FAM174B: variants seen among roughly 807,000 people sequenced by gnomAD.
The protein encoded by FAM174B is family with sequence similarity 174 member B.
A neutral mutation model predicts 10.9 loss-of-function variants in FAM174B; 12 were observed. The observed-to-expected ratio is 1.10, with a 90% CI of 0.71 to 1.79. The LOEUF is 1.79. FAM174B is among the 40% of genes most tolerant of loss of function. FAM174B has a pLI of 0.00. For synonymous variants in FAM174B, 132 were observed against 115.8 expected, an observed-to-expected ratio of 1.14 and a Z score of -0.90; for missense variants, 266 against 233.3, an observed-to-expected ratio of 1.14 and a Z score of -0.91.
At chr15:92,647,061 C>T (rs1218457815) in intron 1 of FAM174B, among the ~76,000 whole-genome samples, 1 of 152,108 alleles carries the variant, frequency 6.6e-6, no homozygotes, top group Non-Finnish European at 1.5e-5. Flanking sequence ...CTCTTTTTGT[C>T]GACAGGACTG....
intron 1 of FAM174B, among the ~76,000 whole-genome samples, chr15:92,652,689 C>T (rs947093244): frequency 6.6e-6 from 1 of 152,154 alleles, no homozygotes; most frequent in Non-Finnish European, 1.5e-5. Flanking sequence ...AAGGTAGAAA[C>T]GGCGGCAGGT....
rs1458765236 is a variant in FAM174B, at chr15:92,617,583, T to C, written c.*1873A>G. On this transcript the variant is annotated 3_prime_UTR_variant, in exon 3 of 3. Coordinates refer to ENST00000327355, the MANE Select transcript of FAM174B (RefSeq NM_207446.3). Reference sequence around the variant, plus strand: ...CTGGCAGATGGAGCCCGGGTGTTTCTGCGTAAGGCAGAGGAATCCAGCTTT... The same window carrying C: ...CTGGCAGATGGAGCCCGGGTGTTTCCGCGTAAGGCAGAGGAATCCAGCTTT... The C allele has an allele frequency of 3.4e-5, 20 of 590,620 alleles. No individual in the cohort carries two copies. Among genetic ancestry groups the C allele is most frequent in the Non-Finnish European group, 5.7e-5 (19 of 334,090 alleles). The allele number at this position is 590,620 out of a possible 1,614,324, so 36.6% of individuals were successfully genotyped here. A position where few individuals can be genotyped will look rare whatever the true frequency, so the allele number is the denominator to read the frequency against.
chr15:92,626,582 C>A (rs962485646), intron 2 of FAM174B, among the ~76,000 whole-genome samples: 1 of 152,138 alleles, frequency 6.6e-6, no homozygotes, highest in African/African-American at 2.4e-5. Flanking sequence ...GCCCTAGAAG[C>A]AGAAACCCAG....
intron 1 of FAM174B, among the ~76,000 whole-genome samples, chr15:92,637,666 C>T (rs187248207): frequency 6.6e-6 from 1 of 152,326 alleles, no homozygotes; most frequent in Admixed American, 6.5e-5. Flanking sequence ...CACACAGAAG[C>T]AGAGTTGACA....
At position 92,617,601 on chromosome 15, in the gene FAM174B, C is replaced by A. The variant is rs2141943900; in HGVS notation, c.*1855G>T. 3.1e-6 allele frequency: 2 copies of A among 640,698 alleles called. No individual in the cohort carries two copies. Among genetic ancestry groups the A allele is most frequent in the Non-Finnish European group, 5.5e-6 (2 of 361,032 alleles). 39.7% of individuals were successfully genotyped at this position (640,698 alleles called of 1,614,324 possible). A position where few individuals can be genotyped will look rare whatever the true frequency, so the allele number is the denominator to read the frequency against. Reference sequence around the variant, plus strand: ...GTGTTTCTGCGTAAGGCAGAGGAATCCAGCTTTTCCATGAGATTCAGCTGC... The same window carrying A: ...GTGTTTCTGCGTAAGGCAGAGGAATACAGCTTTTCCATGAGATTCAGCTGC... On this transcript the variant is annotated 3_prime_UTR_variant, in exon 3 of 3. Coordinates refer to ENST00000327355, the MANE Select transcript of FAM174B (RefSeq NM_207446.3).
At chr15:92,624,574 C>T (rs931842229) in intron 2 of FAM174B, among the ~76,000 whole-genome samples, 1 of 152,224 alleles carries the variant, frequency 6.6e-6, no homozygotes, top group Admixed American at 6.5e-5. Flanking sequence ...GCAAACTGCA[C>T]AAAAATGCCC....
chr15:92,653,510 T>C (rs1418365758), intron 1 of FAM174B, among the ~76,000 whole-genome samples: 1 of 152,226 alleles, frequency 6.6e-6, no homozygotes, highest in African/African-American at 2.4e-5. Flanking sequence ...AGTCCGTAGA[T>C]GACAATGGCA....
chr15:92,634,040 T>C (rs980252390), intron 1 of FAM174B, among the ~76,000 whole-genome samples: 2 of 152,180 alleles, frequency 1.3e-5, no homozygotes, highest in African/African-American at 4.8e-5. Flanking sequence ...TAAATCTCTC[T>C]CCGGACAAGT....
chr15:92,625,057 C>T (rs1332611669), intron 2 of FAM174B, among the ~76,000 whole-genome samples: 1 of 152,192 alleles, frequency 6.6e-6, no homozygotes, highest in African/African-American at 2.4e-5. Flanking sequence ...TTTCAAAACC[C>T]CAGGGCACTC....
chr15:92,649,281 C>A (rs1489656645), intron 1 of FAM174B, among the ~76,000 whole-genome samples: 1 of 152,212 alleles, frequency 6.6e-6, no homozygotes, highest in East Asian at 1.9e-4. Context: ...GGTGCCAGGT[C>A]TTCACAGTCC....
At chr15:92,626,200 G>A (rs925597504) in intron 2 of FAM174B, among the ~76,000 whole-genome samples, 3 of 136,422 alleles carry the variant, frequency 2.2e-5, no homozygotes, top group Non-Finnish European at 3.0e-5. Context: ...CTGGGTTCGC[G>A]CCATTCTCCT....
intron 1 of FAM174B, among the ~76,000 whole-genome samples, chr15:92,649,692 C>T (rs1441761134): frequency 6.6e-6 from 1 of 152,184 alleles, no homozygotes; most frequent in Non-Finnish European, 1.5e-5. Flanking sequence ...CCGAGATTCT[C>T]GGCATCTCTC....
At chr15:92,621,604 G>A (rs1265951561) in intron 2 of FAM174B, among the ~76,000 whole-genome samples, 4 of 113,626 alleles carry the variant, frequency 3.5e-5, no homozygotes, top group Non-Finnish European at 5.8e-5. Flanking sequence ...GAGCAAGATC[G>A]TCTCAAAAAA....
rs780494916 is a variant in FAM174B, at chr15:92,619,303, C to G, written c.*153G>C. ...TTGCCAGTGACAGTCTGAGCAGATGCCTGACACGCACGATGGAGCTGGGGT... is the reference window on the plus strand; with the variant it reads ...TTGCCAGTGACAGTCTGAGCAGATGGCTGACACGCACGATGGAGCTGGGGT... On this transcript the variant is annotated 3_prime_UTR_variant, in exon 3 of 3. Transcript: ENST00000327355. 3 of 820,166 alleles carry G rather than the reference C, an allele frequency of 3.7e-6. No individual in the cohort carries two copies. In the East Asian group the frequency reaches 7.9e-5, roughly 22 times the overall value. 50.8% of individuals were successfully genotyped at this position (820,166 alleles called of 1,614,324 possible).
At chr15:92,655,277 G>T in intron 1 of FAM174B, 39 bp downstream of exon 1, 1 of 1,499,192 alleles carries the variant, frequency 6.7e-7, no homozygotes, top group Non-Finnish European at 8.9e-7. Context: ...ATGCCGCCCT[G>T]TCGGCCGGCG....
At position 92,652,302 on chromosome 15, in the gene FAM174B, G is replaced by A. The variant is rs138047171; in HGVS notation, c.344+3014C>T. On this transcript the variant is annotated intron_variant, in intron 1 of 2. Transcript: ENST00000327355. ...CCCTAGCTGCAGAGGCTTCTCAGAG[G>A]AGGCAACAGCAACGAGGTCAAACAG... 1.4e-3 allele frequency among the ~76,000 whole-genome samples: 208 copies of A among 152,300 alleles called. 1 individual carries two copies. The highest frequency in any genetic ancestry group is 6.8e-3 in the Middle Eastern group (2 of 294).
At chr15:92,629,466 C>T (rs1218139849) in intron 2 of FAM174B, among the ~76,000 whole-genome samples, 6 of 152,230 alleles carry the variant, frequency 3.9e-5, no homozygotes, top group East Asian at 1.9e-4. Flanking sequence ...CAGCCACCCA[C>T]GTCCTCAGCT....
chr15:92,655,326 G>A lies in FAM174B; in HGVS notation c.334C>T (p.Arg112Cys), dbSNP rs1378803506. The A allele has an allele frequency of 2.6e-6, 4 of 1,559,146 alleles. No individual in the cohort carries two copies. Among genetic ancestry groups the A allele is most frequent in the African/African-American group, 1.4e-5 (1 of 71,144 alleles). ...GGCGGGAGGGCCCACCTGAAGACGC[G>A]CAGCAGCAGGCAGGCGATGAGGAGG... ...TTLLIACLLLRVFRSGKRLKK... is the reference protein window; with the variant it reads ...TTLLIACLLLCVFRSGKRLKK... Residue 112 changes from arginine to cysteine, a missense_variant, in exon 1 of 3, where the codon CGC becomes TGC. Transcript: ENST00000327355.
intron 1 of FAM174B, among the ~76,000 whole-genome samples, chr15:92,630,848 ATTACATG>A (rs1237494271): frequency 3.9e-5 from 2 of 51,348 alleles, no homozygotes; most frequent in Non-Finnish European, 5.9e-5. Flanking sequence ...TATATTACAT[ATTACATG>A]TTACATATTA....
Sources: allele counts gnomAD v4.1 joint callset (sites outside exome capture counted in the v4.1 genomes callset), GRCh38; gene constraint gnomAD v4.1.1; transcripts MANE v1.5; gene names NCBI Gene and HGNC (gene_info 2026-07-23, HGNC 2026-07-21).